The following ADARB2 variants were observed in gnomAD, a reference collection of about 807,000 sequenced individuals.
The protein encoded by ADARB2 is inactive double-stranded RNA-specific editase B2.
Under a neutral mutation model 62.2 loss-of-function variants are expected in ADARB2, and 25 were observed. The ratio of observed to expected loss-of-function variants is 0.40; its 90% CI spans 0.29 to 0.56. The LOEUF (loss-of-function observed/expected upper bound fraction) is 0.56, where lower values mean the gene tolerates loss of function less well. ADARB2 is among the 20% of genes least tolerant of loss of function. ADARB2 has a pLI of 0.43. For missense variants in ADARB2, 1,071 were observed against 1,077.4 expected (o/e 0.99, Z 0.08); for synonymous variants, 572 against 500.8 (o/e 1.14, Z -1.90).
At chr10:1,716,686 AAAAT>A (rs144731938) in intron 1 of ADARB2, among the ~76,000 whole-genome samples, 5,319 of 152,296 alleles carry the variant, frequency 0.035, 179 homozygotes, top group African/African-American at 0.085. Context: ...CAAACTTTAA[AAAAT>A]AAATATATAT....
intron 1 of ADARB2, among the ~76,000 whole-genome samples, chr10:1,544,667 G>A (rs1168389401): frequency 6.6e-6 from 1 of 152,066 alleles, no homozygotes; most frequent in Non-Finnish European, 1.5e-5. Flanking sequence ...TAGGAGGCGG[G>A]TATAGTCAAT....
rs765352410 is a variant in ADARB2 at position 1,437,600 on chromosome 10, C to T, written c.101-58440G>A. Among the ~76,000 whole-genome samples, 98 of 152,058 alleles carry T rather than the reference C, an allele frequency of 6.4e-4. 1 individual carries two copies. The highest frequency in any genetic ancestry group is 5.4e-4 in the Non-Finnish European group (37 of 68,012). The stretch of plus-strand genomic sequence containing the variant: ...AGAGAGTTGAGTGACTCACCTGAGC[C>T]GATTGGGAAATTATTAAGGCAAGAA... On this transcript the variant is annotated intron_variant, in intron 1 of 9. Transcript: ENST00000381312.
chr10:1,520,891 A>C (rs774207853), intron 1 of ADARB2, among the ~76,000 whole-genome samples: 1 of 152,256 alleles, frequency 6.6e-6, no homozygotes, highest in Non-Finnish European at 1.5e-5. Context: ...CAAGCTTTTC[A>C]GATGGTTCCT....
intron 1 of ADARB2, among the ~76,000 whole-genome samples, chr10:1,679,678 G>C (rs1234197256): frequency 6.6e-6 from 1 of 152,116 alleles, no homozygotes; most frequent in Non-Finnish European, 1.5e-5. Flanking sequence ...GGAGCACTCC[G>C]GTTTCCAGAG....
intron 8 of ADARB2, among the ~76,000 whole-genome samples, chr10:1,199,122 T>C (rs1836949082): frequency 6.6e-6 from 1 of 152,128 alleles, no homozygotes; most frequent in Non-Finnish European, 1.5e-5. Flanking sequence ...GGCAGGCCCT[T>C]CAGAGAGCTC....
chr10:1,398,087 C>T lies in ADARB2; in HGVS notation c.101-18927G>A, dbSNP rs1832630897. 7.2e-6 allele frequency among the ~76,000 whole-genome samples: 1 copy of T among 139,192 alleles called. No homozygotes were observed. The allele number at this position is 139,192 out of a possible 152,430, so 91.3% of individuals were successfully genotyped here. On this transcript the variant is annotated intron_variant, in intron 1 of 9. Transcript: ENST00000381312. This position sits in a 1 kb window ranked among gnomAD's most constrained non-coding sequence, Gnocchi z 4.1. ...AGTGCAGGCTTCCTGGGTCACCGCC[C>T]TCCTCTCCCCTCCCGAGTGCAGGCT...
chr10:1,192,799 C>G (rs750693459), intron 8 of ADARB2, among the ~76,000 whole-genome samples: 13 of 152,308 alleles, frequency 8.5e-5, no homozygotes, highest in Non-Finnish European at 1.2e-4. Context: ...AAAAAATTAG[C>G]CAGCCTGGTG....
At chr10:1,468,004 C>G (rs193136170) in intron 1 of ADARB2, among the ~76,000 whole-genome samples, 14 of 152,284 alleles carry the variant, frequency 9.2e-5, no homozygotes, top group Non-Finnish European at 2.1e-4. Flanking sequence ...AAAGTCTAGC[C>G]GGCTAATGCG....
At chr10:1,290,717 A>T (rs1831458387) in intron 3 of ADARB2, 1 of 152,188 alleles carries the variant, frequency 6.6e-6, no homozygotes, top group African/African-American at 2.4e-5. Context: ...TGATTATGTA[A>T]AGTAGTCGTC....
At chr10:1,591,154 C>T (rs1037242224) in intron 1 of ADARB2, among the ~76,000 whole-genome samples, 2 of 152,188 alleles carry the variant, frequency 1.3e-5, no homozygotes, top group Non-Finnish European at 2.9e-5. Context: ...GGGGCCTCAC[C>T]GGGAGCCTGG....
At chr10:1,564,019 C>G in intron 1 of ADARB2, among the ~76,000 whole-genome samples, 1 of 150,648 alleles carries the variant, frequency 6.6e-6, no homozygotes, top group East Asian at 1.9e-4. Context: ...TTTTCTTAAT[C>G]CAGTCTATCA....
At chr10:1,358,054 CAGAG>C (rs371620862) in intron 3 of ADARB2, among the ~76,000 whole-genome samples, 19 of 152,118 alleles carry the variant, frequency 1.2e-4, no homozygotes, top group African/African-American at 4.3e-4. Flanking sequence ...GAGGAAGTAA[CAGAG>C]AGAGAGACAG....
intron 3 of ADARB2, among the ~76,000 whole-genome samples, chr10:1,328,015 T>TG (rs1348592599): frequency 1.2e-5 from 1 of 84,708 alleles, no homozygotes; most frequent in Non-Finnish European, 2.7e-5. Context: ...CTCCGCATTC[T>TG]GGGGGCACGG....
At chr10:1,412,062 T>C (rs1429005714) in intron 1 of ADARB2, among the ~76,000 whole-genome samples, 1 of 152,208 alleles carries the variant, frequency 6.6e-6, no homozygotes, top group Non-Finnish European at 1.5e-5. Context: ...AGGAGAGTGC[T>C]TGTCTTCCGA....
intron 3 of ADARB2, among the ~76,000 whole-genome samples, chr10:1,342,977 A>AC (rs1832043950): frequency 6.6e-6 from 1 of 152,250 alleles, no homozygotes; most frequent in Non-Finnish European, 1.5e-5. Context: ...GACTTGTATG[A>AC]TAAAAAATGC....
At chr10:1,194,730 C>A (rs1189307355) in intron 8 of ADARB2, among the ~76,000 whole-genome samples, 1 of 152,068 alleles carries the variant, frequency 6.6e-6, no homozygotes, top group African/African-American at 2.4e-5. Context: ...TCTGAAATTC[C>A]TATTTGGTTC....
At position 1,363,058 on chromosome 10, in the gene ADARB2, G is replaced by A. The variant is rs777574493; in HGVS notation, c.1047C>T (p.Pro349=). 4.9e-6 allele frequency: 7 copies of A among 1,442,326 alleles called. No individual in the cohort carries two copies. Among genetic ancestry groups the A allele is most frequent in the African/African-American group, 4.4e-5 (3 of 67,980 alleles). 89.3% of individuals were successfully genotyped at this position (1,442,326 alleles called of 1,614,324 possible). The change falls in exon 3 of 10, where the codon CCC becomes CCT. Residue 349 remains proline (P), a synonymous_variant. Transcript: ENST00000381312. ...LFDIQMPGHA[P]GRARRTPMPQ... is the part of the protein sequence containing the mutation. ...GCATTGGCGTCCTCCTGGCCCTGCCGGGCGCGTGGCCGGGCATCTGGATGT... is the reference window on the plus strand; with the variant it reads ...GCATTGGCGTCCTCCTGGCCCTGCCAGGCGCGTGGCCGGGCATCTGGATGT...
chr10:1,326,559 T>G (rs1831848241), intron 3 of ADARB2, among the ~76,000 whole-genome samples: 1 of 152,244 alleles, frequency 6.6e-6, no homozygotes, highest in Non-Finnish European at 1.5e-5. Context: ...AACTTTTCTC[T>G]GGATCCCAAC....
chr10:1,363,150 C>T lies in ADARB2; in HGVS notation c.955G>A (p.Gly319Ser). Reference sequence around the variant, plus strand: ...GCCAGCTTCTTGCTGCGCCCCGAGCCCTCGAACGTCCTGCCGTCCACGCTC... The same window carrying T: ...GCCAGCTTCTTGCTGCGCCCCGAGCTCTCGAACGTCCTGCCGTCCACGCTC... ...AVSVDGRTFE[G>S]SGRSKKLARG... Residue 319 changes from glycine to serine, a missense_variant, in exon 3 of 10, where the codon GGC becomes AGC. Transcript: ENST00000381312. 3.9e-6 allele frequency: 6 copies of T among 1,546,904 alleles called. No homozygotes were observed. Among genetic ancestry groups the T allele is most frequent in the Non-Finnish European group, 5.2e-6 (6 of 1,155,810 alleles).
Sources: gnomAD v4.1 joint callset for allele counts (sites outside exome capture counted in the v4.1 genomes callset) on GRCh38, gnomAD v4.1.1 for gene constraint, Gnocchi (gnomAD v3.1) non-coding constraint, MANE v1.5 for transcripts, NCBI Gene and HGNC (gene_info 2026-07-23, HGNC 2026-07-21) for gene names.